Variants in VWC2L observed in about 807,000 individuals in gnomAD.
VWC2L encodes von Willebrand factor C domain-containing protein 2-like.
A neutral mutation model predicts 21.6 loss-of-function variants in VWC2L; 10 were observed. The ratio of observed to expected loss-of-function variants is 0.46; its 90% confidence interval spans 0.29 to 0.78. The LOEUF (loss-of-function observed/expected upper bound fraction) is 0.78, where lower values mean the gene tolerates loss of function less well. Among genes scored for constraint, VWC2L ranks in the 30% least tolerant of loss-of-function variants. The pLI is 0.10. For synonymous variants in VWC2L, 96 were observed against 94.3 expected, an observed-to-expected ratio of 1.02 and a Z score of -0.10; for missense variants, 209 against 277.1, an observed-to-expected ratio of 0.75 and a Z score of 1.74.
Position 214,534,496 on chromosome 2 carries a change from G to A in VWC2L, c.521-41176G>A, listed in dbSNP as rs190399075. Among the ~76,000 whole-genome samples the A allele has an allele frequency of 7.9e-3, 1,205 of 152,130 alleles. 10 individuals carry two copies. Among genetic ancestry groups the A allele is most frequent in the Admixed American group, 0.014 (217 of 15,248 alleles). On this transcript the variant is annotated intron_variant, in intron 3 of 3. Coordinates refer to ENST00000312504, the MANE Select transcript of VWC2L (RefSeq NM_001080500.4). ...GAAATACATCACCACCAATGAGAAA[G>A]CATTGGTGGGAGATACAGAAAATGC...
At chr2:214,432,789 A>AGGTG (rs1268561403) in intron 2 of VWC2L, among the ~76,000 whole-genome samples, 122 of 152,270 alleles carry the variant, frequency 8.0e-4, no homozygotes, top group African/African-American at 2.8e-3. Flanking sequence ...TGGGAGGCCA[A>AGGTG]GGTGGGTGGA....
chr2:214,562,119 T>C (rs187556069), intron 3 of VWC2L, among the ~76,000 whole-genome samples: 1 of 152,124 alleles, frequency 6.6e-6, no homozygotes, highest in Admixed American at 6.5e-5. Context: ...GCCCAGTATT[T>C]ATTAGCTATT....
chr2:214,480,132 C>T (rs1174643390), intron 3 of VWC2L, among the ~76,000 whole-genome samples: 3 of 152,240 alleles, frequency 2.0e-5, no homozygotes, highest in Non-Finnish European at 4.4e-5. Flanking sequence ...TATACCATTT[C>T]ACATAAGCAC....
At position 214,578,578 on chromosome 2, in the gene VWC2L, A is replaced by T. The variant is rs1368633393; in HGVS notation, c.*2758A>T. ...GTGACAATTTCTCATAAACTGATAA[A>T]CATTTTACAACTTCCTTCTACCCAG... On this transcript the variant is annotated 3_prime_UTR_variant, in exon 4 of 4. Transcript: ENST00000312504. 6.6e-6 allele frequency: 1 copy of T among 152,142 alleles called. No homozygotes were observed. The highest frequency in any genetic ancestry group is 2.4e-5 in the African/African-American group (1 of 41,418). 9.4% of individuals were successfully genotyped at this position (152,142 alleles called of 1,614,324 possible).
intron 3 of VWC2L, among the ~76,000 whole-genome samples, chr2:214,539,264 C>T (rs185822945): frequency 8.5e-5 from 13 of 152,146 alleles, no homozygotes; most frequent in African/African-American, 1.9e-4. Flanking sequence ...TCAAGGGAAA[C>T]GATTTATTCC....
At chr2:214,519,129 T>C (rs542586816) in intron 3 of VWC2L, among the ~76,000 whole-genome samples, 10 of 152,262 alleles carry the variant, frequency 6.6e-5, no homozygotes, top group African/African-American at 1.9e-4. Context: ...ATCAGTGCGA[T>C]TGAGGAATAA....
intron 3 of VWC2L, among the ~76,000 whole-genome samples, chr2:214,488,566 C>A (rs1274999692): frequency 6.6e-6 from 1 of 152,166 alleles, no homozygotes; most frequent in Admixed American, 6.5e-5. Context: ...CCACTGCACT[C>A]CAGCCTGGGT....
intron 3 of VWC2L, among the ~76,000 whole-genome samples, chr2:214,548,183 G>T (rs1252423039): frequency 6.6e-6 from 1 of 152,156 alleles, no homozygotes; most frequent in East Asian, 1.9e-4. Context: ...CACTACCAAA[G>T]CAATTGCTAG....
intron 2 of VWC2L, among the ~76,000 whole-genome samples, chr2:214,419,483 G>C (rs1466303253): frequency 6.6e-6 from 1 of 152,084 alleles, no homozygotes; most frequent in African/African-American, 2.4e-5. Flanking sequence ...TTTAGAACTT[G>C]TACTGATTTA....
At chr2:214,459,214 A>G (rs1181052864) in intron 3 of VWC2L, among the ~76,000 whole-genome samples, 1 of 152,128 alleles carries the variant, frequency 6.6e-6, no homozygotes, top group Non-Finnish European at 1.5e-5. Context: ...GTTGTATGTG[A>G]CACAAGTGTA....
At chr2:214,461,695 G>C (rs1034506444) in intron 3 of VWC2L, among the ~76,000 whole-genome samples, 1 of 152,182 alleles carries the variant, frequency 6.6e-6, no homozygotes, top group African/African-American at 2.4e-5. Context: ...CTGTCCTCAA[G>C]CTCCCTAGTG....
chr2:214,452,157 T>A (rs947896784), intron 3 of VWC2L, among the ~76,000 whole-genome samples: 1 of 152,098 alleles, frequency 6.6e-6, no homozygotes, highest in African/African-American at 2.4e-5. Flanking sequence ...TGGCTTTTTG[T>A]GTGTGTGTTT....
At chr2:214,418,372 A>T (rs1270744419) in intron 2 of VWC2L, among the ~76,000 whole-genome samples, 2 of 152,204 alleles carry the variant, frequency 1.3e-5, no homozygotes, top group African/African-American at 4.8e-5. Context: ...AACTTGTCCA[A>T]GACCATACAG....
chr2:214,509,774 T>C (rs759143679), intron 3 of VWC2L, among the ~76,000 whole-genome samples: 1 of 152,340 alleles, frequency 6.6e-6, no homozygotes, highest in South Asian at 2.1e-4. Flanking sequence ...TTATTTTCTT[T>C]CTAACAGATA....
chr2:214,442,025 C>T lies in VWC2L; in HGVS notation c.520+5267C>T, dbSNP rs190230137. 2.2e-3 allele frequency among the ~76,000 whole-genome samples: 337 copies of T among 151,840 alleles called. 2 individuals carry two copies. The Middle Eastern group carries it at 0.031, about 14-fold the overall frequency. Reference sequence around the variant, plus strand: ...ATCCTGGGTTCAAGTGATTGTCCTGCCTCAGCCTCCCAAGTAGCTGGGATT... The same window carrying T: ...ATCCTGGGTTCAAGTGATTGTCCTGTCTCAGCCTCCCAAGTAGCTGGGATT... On this transcript the variant is annotated intron_variant, in intron 3 of 3. Coordinates refer to ENST00000312504, the MANE Select transcript of VWC2L (RefSeq NM_001080500.4).
chr2:214,485,790 C>T (rs762047667), intron 3 of VWC2L, among the ~76,000 whole-genome samples: 1 of 152,140 alleles, frequency 6.6e-6, no homozygotes, highest in African/African-American at 2.4e-5. Flanking sequence ...ATAACCACAT[C>T]GTCTTCATCT....
chr2:214,534,876 G>T (rs1262811526), intron 3 of VWC2L, among the ~76,000 whole-genome samples: 1 of 152,056 alleles, frequency 6.6e-6, no homozygotes, highest in African/African-American at 2.4e-5. Flanking sequence ...CAGTGTTCTT[G>T]TAACTAGTGT....
At chr2:214,542,497 A>G (rs1689643894) in intron 3 of VWC2L, among the ~76,000 whole-genome samples, 1 of 152,222 alleles carries the variant, frequency 6.6e-6, no homozygotes, top group African/African-American at 2.4e-5. Context: ...CCTGGCTCAG[A>G]TCCACCCTGA....
chr2:214,499,078 G>A (rs568912976), intron 3 of VWC2L, among the ~76,000 whole-genome samples: 1 of 135,092 alleles, frequency 7.4e-6, no homozygotes, highest in South Asian at 2.3e-4. Context: ...GAGTGCAGTG[G>A]CCCAATCTCA....
Sources: gnomAD v4.1 joint callset for allele counts (sites outside exome capture counted in the v4.1 genomes callset) on GRCh38, gnomAD v4.1.1 for gene constraint, MANE v1.5 for transcripts, NCBI Gene and HGNC (gene_info 2026-07-23, HGNC 2026-07-21) for gene names.